SEMA5A: variants seen among roughly 807,000 people sequenced by gnomAD.
The protein encoded by SEMA5A is semaphorin-5A.
A neutral mutation model predicts 135.5 loss-of-function variants in SEMA5A; 55 were observed. The observed-to-expected ratio is 0.41, with a 90% CI of 0.33 to 0.51. The LOEUF (loss-of-function observed/expected upper bound fraction) is 0.51. Ranked by LOEUF, SEMA5A falls within the 20% of genes least tolerant of loss-of-function variation. SEMA5A has a pLI of 0.37. For synonymous variants in SEMA5A, 580 were observed against 546.5 expected, an observed-to-expected ratio of 1.06 and a Z score of -0.85; for missense variants, 1,290 against 1,419.9, an observed-to-expected ratio of 0.91 and a Z score of 1.47.
chr5:9,296,371 G>C (rs1051117192), intron 5 of SEMA5A, among the ~76,000 whole-genome samples: 7 of 152,120 alleles, frequency 4.6e-5, no homozygotes, highest in South Asian at 2.1e-4. Flanking sequence ...GTAAAACACT[G>C]TTTTCTTTTT....
At chr5:9,463,897 G>A (rs535286496) in intron 1 of SEMA5A, among the ~76,000 whole-genome samples, 1 of 152,164 alleles carries the variant, frequency 6.6e-6, no homozygotes, top group Non-Finnish European at 1.5e-5. Flanking sequence ...TTGTGGCTTT[G>A]GGGGAACATT....
At chr5:9,284,240 T>G (rs191868576) in intron 5 of SEMA5A, among the ~76,000 whole-genome samples, 6 of 152,278 alleles carry the variant, frequency 3.9e-5, no homozygotes, top group South Asian at 2.1e-4. Context: ...CCTCCACAGG[T>G]AGGCAATCAA....
rs762068837 is a variant in SEMA5A at position 9,051,919 on chromosome 5, G to A, written c.2799C>T (p.Asn933=). ...ACACACACGGCCGGCTCTCCGTGGT[G>A]TTCCCGGAGCACTGGCTGCCCATGG... ...LFPMGSQCSG[N]TTESRPCVFD... The change falls in exon 20 of 23, where the codon AAC becomes AAT. Residue 933 remains asparagine (N), a synonymous_variant. Transcript: ENST00000382496. 5.0e-6 allele frequency: 8 copies of A among 1,614,186 alleles called. No homozygotes were observed. Among genetic ancestry groups the A allele is most frequent in the Non-Finnish European group, 6.8e-6 (8 of 1,180,042 alleles).
intron 5 of SEMA5A, among the ~76,000 whole-genome samples, chr5:9,311,205 C>T (rs1158018457): frequency 5.3e-5 from 8 of 151,912 alleles, no homozygotes; most frequent in Admixed American, 5.3e-4. Context: ...TCTCTACACG[C>T]TAGATGCCAG....
At chr5:9,527,984 C>A (rs564015630) in intron 1 of SEMA5A, among the ~76,000 whole-genome samples, 144 of 152,282 alleles carry the variant, frequency 9.5e-4, no homozygotes, top group African/African-American at 3.2e-3. Context: ...TTTTATGAAA[C>A]AATCACCTAT....
intron 1 of SEMA5A, among the ~76,000 whole-genome samples, chr5:9,440,773 A>C (rs1561255138): frequency 6.6e-6 from 1 of 152,244 alleles, no homozygotes; most frequent in Non-Finnish European, 1.5e-5. Flanking sequence ...GAATGAGGTA[A>C]GATGTAGACT....
chr5:9,540,299 T>C (rs6873042), intron 1 of SEMA5A, among the ~76,000 whole-genome samples: 45 of 152,134 alleles, frequency 3.0e-4, no homozygotes, highest in African/African-American at 9.2e-4. Context: ...CAAAATGATA[T>C]GGAGAGAAGG....
chr5:9,094,715 C>T (rs902514307), intron 16 of SEMA5A, among the ~76,000 whole-genome samples: 4 of 152,146 alleles, frequency 2.6e-5, no homozygotes, highest in Admixed American at 6.5e-5. Flanking sequence ...AGAGGTCCTT[C>T]GAGGATTGCT....
chr5:9,326,015 G>T (rs1752856641), intron 4 of SEMA5A, among the ~76,000 whole-genome samples: 1 of 152,132 alleles, frequency 6.6e-6, no homozygotes, highest in Admixed American at 6.5e-5. Flanking sequence ...TTAGACCAAG[G>T]CTGATCACGA....
chr5:9,191,629 T>C (rs1745118168), intron 10 of SEMA5A, among the ~76,000 whole-genome samples: 1 of 2,866 alleles, frequency 3.5e-4, no homozygotes, highest in South Asian at 0.12. Flanking sequence ...TTTTGAAAAG[T>C]AGATGAGATA....
intron 2 of SEMA5A, among the ~76,000 whole-genome samples, chr5:9,406,416 G>T (rs949311178): frequency 6.6e-6 from 1 of 152,082 alleles, no homozygotes; most frequent in African/African-American, 2.4e-5. Context: ...AAAACAAACT[G>T]CCCTCATGTC....
intron 8 of SEMA5A, among the ~76,000 whole-genome samples, chr5:9,210,999 G>A (rs1051575568): frequency 5.3e-5 from 8 of 152,256 alleles, no homozygotes; most frequent in East Asian, 1.9e-4. Flanking sequence ...TTTACAGCAC[G>A]ATATCTGAAC....
intron 17 of SEMA5A, among the ~76,000 whole-genome samples, chr5:9,066,211 T>G (rs1400346650): frequency 6.6e-6 from 1 of 152,234 alleles, no homozygotes; most frequent in Admixed American, 6.5e-5. Flanking sequence ...GATTTCATAG[T>G]ATCACTTCAA....
At chr5:9,135,473 G>A (rs113370126) in intron 13 of SEMA5A, among the ~76,000 whole-genome samples, 197 of 152,040 alleles carry the variant, frequency 1.3e-3, no homozygotes, top group African/African-American at 4.2e-3. Context: ...GAGCCACCGT[G>A]CCCGGCCTGG....
At chr5:9,301,768 C>T (rs1751622390) in intron 5 of SEMA5A, among the ~76,000 whole-genome samples, 2 of 152,130 alleles carry the variant, frequency 1.3e-5, no homozygotes, top group South Asian at 4.1e-4. Flanking sequence ...GGGAGACCTG[C>T]CCACCTGCAA....
chr5:9,189,181 C>T (rs1376119426), intron 11 of SEMA5A, among the ~76,000 whole-genome samples: 1 of 152,242 alleles, frequency 6.6e-6, no homozygotes, highest in Non-Finnish European at 1.5e-5. Context: ...CTAGCAAATG[C>T]AGGAGCTTGC....
intron 1 of SEMA5A, among the ~76,000 whole-genome samples, chr5:9,458,148 C>A (rs987535904): frequency 6.6e-6 from 1 of 151,900 alleles, no homozygotes; most frequent in African/African-American, 2.4e-5. Context: ...ACCTCGTGAT[C>A]CGCCCGCCTC....
chr5:9,325,791 T>A (rs150039680), intron 4 of SEMA5A, among the ~76,000 whole-genome samples: 28 of 149,074 alleles, frequency 1.9e-4, no homozygotes, highest in African/African-American at 6.6e-4. Context: ...AATAACTCAA[T>A]TGGCCTCTGA....
At chr5:9,113,639 A>G (rs1740361183) in intron 15 of SEMA5A, among the ~76,000 whole-genome samples, 1 of 152,238 alleles carries the variant, frequency 6.6e-6, no homozygotes, top group Non-Finnish European at 1.5e-5. Context: ...AACAGGCAAA[A>G]TATTTGAATA....
Sources: allele counts gnomAD v4.1 joint callset (sites outside exome capture counted in the v4.1 genomes callset), GRCh38; gene constraint gnomAD v4.1.1; transcripts MANE v1.5; gene names NCBI Gene and HGNC (gene_info 2026-07-23, HGNC 2026-07-21).